FN3KRP: variants seen among roughly 807,000 people sequenced by gnomAD.
The protein encoded by FN3KRP is ketosamine-3-kinase.
In FN3KRP, 33 loss-of-function variants were observed where a neutral mutation model predicts 29.8. That is an observed-to-expected ratio of 1.11 (90% confidence interval 0.84 to 1.48). The LOEUF (loss-of-function observed/expected upper bound fraction) is 1.48. Ranked by LOEUF, FN3KRP falls within the 40% of genes most tolerant of loss-of-function variation. The probability of loss-of-function intolerance (pLI) is 0.00; values close to 1 mark genes in which losing one functional copy is unlikely to be tolerated. For synonymous variants in FN3KRP, 157 were observed against 155.2 expected, an observed-to-expected ratio of 1.01 and a Z score of -0.09; for missense variants, 430 against 402.6, an observed-to-expected ratio of 1.07 and a Z score of -0.58.
intron 1 of FN3KRP, 83 bp from the exon 2 acceptor site, chr17:82,718,823 C>T: frequency 1.3e-6 from 2 of 1,492,316 alleles, no homozygotes; most frequent in Admixed American, 3.6e-5. Context: ...AGTTGTAATG[C>T]TAGAGGAAAA....
intron 3 of FN3KRP, 33 bp downstream of exon 3, chr17:82,720,396 C>T (rs2046790497): frequency 6.4e-7 from 1 of 1,562,800 alleles, no homozygotes; most frequent in Non-Finnish European, 8.8e-7. Context: ...GGTGCTCCCG[C>T]CTAGAGGAGG....
chr17:82,719,070 A>ACCCC lies in FN3KRP; in HGVS notation c.293+15_293+16insCCCC, dbSNP rs1555663945. ...GGCATCTGAGCAGGTGCATCTTCACACCACCCCCCACCTGGCTTTATTACC... is the reference window on the plus strand; with the variant it reads ...GGCATCTGAGCAGGTGCATCTTCACACCCCCCACCCCCCACCTGGCTTTATTACC... On this transcript the variant is annotated intron_variant, in intron 2 of 5. Transcript: ENST00000269373. 7.0e-6 allele frequency: 11 copies of ACCCC among 1,566,722 alleles called. No homozygotes were observed. Among genetic ancestry groups the ACCCC allele is most frequent in the South Asian group, 1.1e-5 (1 of 89,556 alleles).
At chr17:82,722,573 G>T (rs2243523) in intron 3 of FN3KRP, 189,812 of 500,764 alleles carry the variant, frequency 0.38, 37,063 homozygotes, top group East Asian at 0.43. Flanking sequence ...CTTTGATGCT[G>T]ACGTCTGCTG....
In FN3KRP at chr17:82,722,807, G is replaced by C. The variant is rs139582864; in HGVS notation, c.389G>C (p.Arg130Thr). 5.0e-5 allele frequency: 80 copies of C among 1,613,924 alleles called. No homozygotes were observed. The African/African-American group carries it at 9.9e-4, about 20-fold the overall frequency. ...TTCTTTTACTTTTGCTTGCAAGGGA[G>C]AGGAGGTGGGCAGGAGGAACGGCCC... is the stretch of plus-strand genomic sequence containing the variant. ...MRLKEAGTVG[R>T]GGGQEERPFV... The change falls in exon 4 of 6, where the codon AGA (arginine) becomes ACA (threonine). Residue 130 changes from arginine to threonine, a missense_variant. Transcript: ENST00000269373.
chr17:82,725,278 A>G (rs1432348002), intron 4 of FN3KRP, among the ~76,000 whole-genome samples: 1 of 151,710 alleles, frequency 6.6e-6, no homozygotes, highest in African/African-American at 2.4e-5. Context: ...ACAGGCATAC[A>G]CCACCACACT....
In FN3KRP at chr17:82,727,011, G is replaced by T; in HGVS notation, c.770G>T (p.Ser257Ile). ...AIAGMFGGFS[S>I]SFYSAYHGKI... is the part of the protein sequence containing the mutation. Reference sequence around the variant, plus strand: ...GCTGGCATGTTTGGGGGCTTTAGCAGCTCCTTTTACTCCGCCTACCACGGC... The same window carrying T: ...GCTGGCATGTTTGGGGGCTTTAGCATCTCCTTTTACTCCGCCTACCACGGC... The change falls in exon 6 of 6, where the codon AGC (serine) becomes ATC (isoleucine). Residue 257 changes from serine (S) to isoleucine (I), a missense_variant. By Grantham distance (142) the Ser-to-Ile change is moderately radical. Coordinates refer to ENST00000269373, the MANE Select transcript of FN3KRP (RefSeq NM_024619.4). 3 of 1,614,142 alleles carry T rather than the reference G, an allele frequency of 1.9e-6. No homozygotes were observed. Among genetic ancestry groups the T allele is most frequent in the Middle Eastern group, 1.6e-4 (1 of 6,062 alleles).
rs555435730 is a variant in FN3KRP, at chr17:82,720,196, G to A, written c.294-76G>A. 4.9e-4 allele frequency: 587 copies of A among 1,200,892 alleles called. 2 individuals are homozygous for A. Among genetic ancestry groups the A allele is most frequent in the Non-Finnish European group, 6.9e-4 (565 of 824,082 alleles). 74.4% of individuals were successfully genotyped at this position (1,200,892 alleles called of 1,614,324 possible). A position where few individuals can be genotyped will look rare whatever the true frequency, so the allele number is the denominator to read the frequency against. On this transcript the variant is annotated intron_variant, in intron 2 of 5. Coordinates refer to ENST00000269373, the MANE Select transcript of FN3KRP (RefSeq NM_024619.4). Reference sequence around the variant, plus strand: ...AATAAAAAAGTTTGACCCTCTTTATGTGCCCTGAGACTGAGCAGTGGGTGT... The same window carrying A: ...AATAAAAAAGTTTGACCCTCTTTATATGCCCTGAGACTGAGCAGTGGGTGT...
intron 2 of FN3KRP, 127 bp downstream of exon 2, chr17:82,719,184 C>A: frequency 1.2e-6 from 1 of 856,246 alleles, no homozygotes; most frequent in Non-Finnish European, 1.8e-6. Context: ...GGTGTGTGTT[C>A]ACACCACCCC....
intron 4 of FN3KRP, among the ~76,000 whole-genome samples, chr17:82,724,181 CCA>C (rs2046821083): frequency 6.6e-6 from 1 of 151,762 alleles, no homozygotes; most frequent in Non-Finnish European, 1.5e-5. Context: ...GTAGTTCCAG[CCA>C]CTTGGAAGGC....
At chr17:82,725,711 A>G (rs1568062236) in intron 4 of FN3KRP, among the ~76,000 whole-genome samples, 1 of 152,340 alleles carries the variant, frequency 6.6e-6, no homozygotes, top group South Asian at 2.1e-4. Context: ...ATTATCCTTT[A>G]GGATTTATTC....
chr17:82,723,602 T>C (rs374133000), intron 4 of FN3KRP, among the ~76,000 whole-genome samples: 6 of 151,410 alleles, frequency 4.0e-5, no homozygotes, highest in Non-Finnish European at 8.8e-5. Flanking sequence ...TGCATGTGTA[T>C]GTGCACGCAT....
intron 3 of FN3KRP, among the ~76,000 whole-genome samples, chr17:82,722,307 A>G (rs1005585724): frequency 1.3e-5 from 2 of 151,390 alleles, no homozygotes; most frequent in Admixed American, 6.6e-5. Context: ...GCTAATTTTT[A>G]TATGTTCAGT....
chr17:82,723,692 T>C (rs1018877243), intron 4 of FN3KRP, among the ~76,000 whole-genome samples: 2 of 152,200 alleles, frequency 1.3e-5, no homozygotes, highest in Admixed American at 6.5e-5. Context: ...CAGGCGTGTG[T>C]GCGCATGACT....
chr17:82,720,155 G>C (rs1287202539), intron 2 of FN3KRP, 117 bp from the exon 3 acceptor site: 1 of 700,734 alleles, frequency 1.4e-6, no homozygotes, highest in Non-Finnish European at 2.4e-6. Context: ...GACAGAGCGA[G>C]ACTCCATCTC....
At chr17:82,726,730 G>A (rs1158727689) in intron 5 of FN3KRP, 103 bp from the exon 6 acceptor site, 2 of 1,501,694 alleles carry the variant, frequency 1.3e-6, no homozygotes, top group Non-Finnish European at 8.9e-7. Flanking sequence ...GCCTGGTGGT[G>A]TGCTATCCGC....
chr17:82,726,442 A>C (rs778687432), intron 4 of FN3KRP, 38 bp from the exon 5 acceptor site: 1 of 1,600,920 alleles, frequency 6.2e-7, no homozygotes, highest in African/African-American at 1.3e-5. Context: ...TGGTTCTGGC[A>C]TTTTCCAGTG....
chr17:82,716,848 C>G lies in FN3KRP; in HGVS notation c.93C>G (p.Tyr31Ter). The G allele has an allele frequency of 1.9e-6, 3 of 1,561,538 alleles. No homozygotes were observed. The highest frequency in any genetic ancestry group is 1.7e-6 in the Non-Finnish European group (2 of 1,158,684). Reference protein sequence around the residue: ...GGGCISQGRSYDTDQGRVFVK... With the variant: ...GGGCISQGRS ...GGTGCATCAGCCAGGGCCGGAGCTA[C>G]GACACGGATCAAGGACGAGTGTTCG... The change falls in exon 1 of 6, where the codon TAC (tyrosine) becomes TAG (stop). Residue 31 changes from tyrosine (Y) to a stop codon, truncating the protein, a stop_gained. Coordinates refer to ENST00000269373, the MANE Select transcript of FN3KRP (RefSeq NM_024619.4). LOFTEE classifies it high-confidence loss of function.
chr17:82,720,233 G>A lies in FN3KRP; in HGVS notation c.294-39G>A, dbSNP rs1044867542. The A allele has an allele frequency of 3.9e-6, 6 of 1,544,684 alleles. No homozygotes were observed. The African/African-American group carries it at 4.1e-5, about 11-fold the overall frequency. ...TGAGCAGTGGGTGTGTTGCCATTCT[G>A]TGTGTCATCTGTTTAGTTGCTGTCG... On this transcript the variant is annotated intron_variant, in intron 2 of 5. Coordinates refer to ENST00000269373, the MANE Select transcript of FN3KRP (RefSeq NM_024619.4).
At chr17:82,721,651 T>C (rs2046799034) in intron 3 of FN3KRP, among the ~76,000 whole-genome samples, 1 of 149,364 alleles carries the variant, frequency 6.7e-6, no homozygotes, top group Admixed American at 6.7e-5. Flanking sequence ...TACAGGCGCC[T>C]GCCACCACGC....
Sources: allele counts gnomAD v4.1 joint callset (sites outside exome capture counted in the v4.1 genomes callset), GRCh38; gene constraint gnomAD v4.1.1; transcripts MANE v1.5; gene names NCBI Gene and HGNC (gene_info 2026-07-23, HGNC 2026-07-21).